The following PYY variants were observed in gnomAD, a reference collection of about 807,000 sequenced individuals.
PYY encodes the protein peptide YY.
Under a neutral mutation model 10.3 loss-of-function variants are expected in PYY, and 12 were observed. The ratio of observed to expected loss-of-function variants is 1.17; its 90% CI spans 0.75 to 1.89. PYY has a LOEUF of 1.89. PYY is among the 40% of genes most tolerant of loss of function. PYY has a pLI of 0.00. For synonymous variants in PYY, 66 were observed against 62.0 expected, an observed-to-expected ratio of 1.06 and a Z score of -0.30; for missense variants, 141 against 134.0, an observed-to-expected ratio of 1.05 and a Z score of -0.26.
chr17:44,000,306 T>C (rs1351009997), intron 1 of PYY, among the ~76,000 whole-genome samples: 1 of 152,236 alleles, frequency 6.6e-6, no homozygotes, highest in Non-Finnish European at 1.5e-5. Flanking sequence ...TCAGGGTTTC[T>C]GTCACATGAG....
At chr17:43,967,689 A>C (rs979821092) in intron 1 of PYY, among the ~76,000 whole-genome samples, 8 of 152,208 alleles carry the variant, frequency 5.3e-5, no homozygotes, top group Non-Finnish European at 8.8e-5. Context: ...TCTCCTGCTG[A>C]ATGCTGCTGT....
rs768312331 is a variant in PYY, at chr17:43,953,306, T to C, written c.178A>G (p.Thr60Ala). 9 of 1,612,340 alleles carry C rather than the reference T, an allele frequency of 5.6e-6. No individual in the cohort carries two copies. In the East Asian group the frequency reaches 1.3e-4, roughly 24 times the overall value. ...ASLRHYLNLV[T>A]RQRYGKRDGP... ...CGCGCCTGCGCTCACCGCTGCCGGG[T>C]GACCAGGTTGAGGTAGTGGCGCAGG... Residue 60 changes from threonine (T) to alanine (A), a missense_variant, in exon 2 of 4, where the codon ACC becomes GCC. Physicochemically the swap from Thr to Ala is moderately conservative, Grantham distance 58. Transcript: ENST00000692052.
At chr17:43,971,952 T>C (rs1597849501) in intron 1 of PYY, among the ~76,000 whole-genome samples, 1 of 151,954 alleles carries the variant, frequency 6.6e-6, no homozygotes, top group Admixed American at 6.6e-5. Context: ...GTCATGAAGA[T>C]TTTCCCCTAC....
intron 1 of PYY, among the ~76,000 whole-genome samples, chr17:43,994,840 C>T (rs1843007610): frequency 6.6e-6 from 1 of 152,192 alleles, no homozygotes; most frequent in South Asian, 2.1e-4. Flanking sequence ...GCCCAACGAA[C>T]GGGAGGGCGC....
At position 43,953,177 on chromosome 17, in the gene PYY, T is replaced by C. The variant is rs764997593; in HGVS notation, c.201A>G (p.Arg67=). The C allele has an allele frequency of 3.1e-6, 5 of 1,613,710 alleles. No homozygotes were observed. The highest frequency in any genetic ancestry group is 4.2e-6 in the Non-Finnish European group (5 of 1,179,766). ...NLVTRQRYGK[R]DGPDTLLSKT... Reference sequence around the variant, plus strand: ...TGGAAAGAAGCGTGTCCGGGCCGTCTCTTTTCCCATACCTGGGGGCGGGGA... The same window carrying C: ...TGGAAAGAAGCGTGTCCGGGCCGTCCCTTTTCCCATACCTGGGGGCGGGGA... Residue 67 remains arginine (R), a synonymous_variant, in exon 3 of 4, where the codon AGA becomes AGG. Transcript: ENST00000692052.
intron 1 of PYY, among the ~76,000 whole-genome samples, chr17:43,988,220 T>C (rs1376643557): frequency 1.3e-5 from 2 of 152,154 alleles, no homozygotes; most frequent in Non-Finnish European, 2.9e-5. Flanking sequence ...ATCAAAATAA[T>C]TTCCAGGTAG....
intron 1 of PYY, among the ~76,000 whole-genome samples, chr17:43,975,694 G>A (rs2048823927): frequency 6.7e-6 from 1 of 148,406 alleles, no homozygotes; most frequent in African/African-American, 2.5e-5. Context: ...ACTCCAGCCT[G>A]GGTGACAGGA....
chr17:43,982,082 A>C (rs907015200), intron 1 of PYY, among the ~76,000 whole-genome samples: 5 of 152,196 alleles, frequency 3.3e-5, no homozygotes, highest in Non-Finnish European at 5.9e-5. Flanking sequence ...CTTCATGGAC[A>C]ACTTCTTAGC....
chr17:44,001,395 T>C (rs1232947653), intron 1 of PYY, among the ~76,000 whole-genome samples: 2 of 152,118 alleles, frequency 1.3e-5, no homozygotes, highest in African/African-American at 4.8e-5. Context: ...AACACCCACC[T>C]TTAAAGGAAG....
intron 1 of PYY, among the ~76,000 whole-genome samples, chr17:43,995,217 T>C (rs2048983449): frequency 1.3e-5 from 2 of 152,336 alleles, no homozygotes; most frequent in African/African-American, 4.8e-5. Context: ...ACCCTTAGGA[T>C]ATTTTCCTGA....
intron 1 of PYY, among the ~76,000 whole-genome samples, chr17:44,001,948 C>T (rs1235939176): frequency 1.3e-5 from 2 of 152,162 alleles, no homozygotes; most frequent in Non-Finnish European, 2.9e-5. Context: ...GAGAGGAAAA[C>T]TATTATGCCC....
intron 1 of PYY, among the ~76,000 whole-genome samples, chr17:43,971,598 T>C (rs926039716): frequency 6.6e-6 from 1 of 151,322 alleles, no homozygotes; most frequent in Admixed American, 6.6e-5. Flanking sequence ...TGCATCTTTC[T>C]GTTGTCTAAT....
intron 1 of PYY, among the ~76,000 whole-genome samples, chr17:43,995,613 C>T (rs2048986198): frequency 6.6e-6 from 1 of 152,124 alleles, no homozygotes; most frequent in African/African-American, 2.4e-5. Flanking sequence ...GTGGGTGGAT[C>T]ACTTGAGGTC....
chr17:44,002,918 A>G (rs2049039433), intron 1 of PYY, among the ~76,000 whole-genome samples: 1 of 152,224 alleles, frequency 6.6e-6, no homozygotes, highest in East Asian at 1.9e-4. Context: ...TCTTTAACAC[A>G]TGGCACCTGC....
intron 1 of PYY, among the ~76,000 whole-genome samples, chr17:43,976,349 A>G (rs2048845510): frequency 6.8e-6 from 1 of 147,338 alleles, no homozygotes; most frequent in African/African-American, 2.6e-5. Context: ...GTATATACAC[A>G]TATACATGTA....
intron 1 of PYY, among the ~76,000 whole-genome samples, chr17:43,984,159 G>C (rs965636906): frequency 9.9e-5 from 15 of 152,236 alleles, no homozygotes; most frequent in East Asian, 1.9e-4. Flanking sequence ...CGCTGTTAGG[G>C]GGGGCGCCAG....
intron 1 of PYY, among the ~76,000 whole-genome samples, chr17:43,996,756 C>T (rs1224760454): frequency 6.6e-6 from 1 of 152,150 alleles, no homozygotes; most frequent in Non-Finnish European, 1.5e-5. Flanking sequence ...GGCGCAATCT[C>T]AGCTCACTGC....
chr17:43,975,536 T>A (rs908006632), intron 1 of PYY, among the ~76,000 whole-genome samples: 2 of 151,558 alleles, frequency 1.3e-5, no homozygotes, highest in African/African-American at 4.9e-5. Flanking sequence ...AGCGAAATCT[T>A]GTCCTACTAA....
chr17:43,955,187 C>T (rs545567787), upstream of PYY, among the ~76,000 whole-genome samples: 1 of 152,302 alleles, frequency 6.6e-6, no homozygotes, highest in South Asian at 2.1e-4. Context: ...CCCCCTCAAA[C>T]CCACCTGCCC....
Sources: allele counts gnomAD v4.1 joint callset (sites outside exome capture counted in the v4.1 genomes callset), GRCh38; gene constraint gnomAD v4.1.1; transcripts MANE v1.5; gene names NCBI Gene and HGNC (gene_info 2026-07-23, HGNC 2026-07-21).